The following RPTOR variants were observed in gnomAD, a reference collection of about 807,000 sequenced individuals.
RPTOR encodes regulatory-associated protein of mTOR.
In RPTOR, 21 loss-of-function variants were observed where a neutral mutation model predicts 169.9. That is an observed-to-expected ratio of 0.12 (90% CI 0.09 to 0.18). The LOEUF (loss-of-function observed/expected upper bound fraction) is 0.18, where lower values mean the gene tolerates loss of function less well. Among genes scored for constraint, RPTOR ranks in the 10% least tolerant of loss-of-function variants. The pLI, the probability that RPTOR is intolerant of heterozygous loss-of-function variation, is 1.00. For synonymous variants in RPTOR, 732 were observed against 753.2 expected, an observed-to-expected ratio of 0.97 and a Z score of 0.46; for missense variants, 1,133 against 1,855.9, an observed-to-expected ratio of 0.61 and a Z score of 7.16.
chr17:80,958,117 G>A (rs925194165), intron 29 of RPTOR, among the ~76,000 whole-genome samples: 1 of 148,772 alleles, frequency 6.7e-6, no homozygotes, highest in Non-Finnish European at 1.5e-5. Flanking sequence ...GTCACCCTGC[G>A]TCACCCAGGC....
intron 25 of RPTOR, among the ~76,000 whole-genome samples, chr17:80,942,231 C>A (rs1028954709): frequency 5.3e-5 from 8 of 151,560 alleles, no homozygotes; most frequent in Admixed American, 3.9e-4. Flanking sequence ...GGCCAGCACA[C>A]GGGGGCTGCC....
intron 13 of RPTOR, among the ~76,000 whole-genome samples, chr17:80,879,481 G>A (rs1487458293): frequency 6.7e-6 from 1 of 148,368 alleles, no homozygotes; most frequent in Non-Finnish European, 1.5e-5. Flanking sequence ...CCTAGCAGCA[G>A]GAGTCTTTTC....
chr17:80,659,548 G>A lies in RPTOR; in HGVS notation c.348+15738G>A, dbSNP rs570218121. Among the ~76,000 whole-genome samples, 45 of 151,720 alleles carry A rather than the reference G, an allele frequency of 3.0e-4. No homozygotes were observed. The highest frequency in any genetic ancestry group is 9.8e-4 in the Admixed American group (15 of 15,240). ...TTTTCAGTTGGAGTTTCTCTCTGTC[G>A]CCAGGCTGGATACAGTGGCACGATC... On this transcript the variant is annotated intron_variant, in intron 3 of 33. Coordinates refer to ENST00000306801, the MANE Select transcript of RPTOR (RefSeq NM_020761.3). This position sits in a 1 kb window ranked among gnomAD's most constrained non-coding sequence, Gnocchi z 4.3.
chr17:80,764,312 C>G (rs1264387649), intron 6 of RPTOR, among the ~76,000 whole-genome samples: 4 of 114,290 alleles, frequency 3.5e-5, no homozygotes, highest in Non-Finnish European at 5.2e-5. Flanking sequence ...TCCCTCCCCC[C>G]TCCCCCCACC....
At chr17:80,930,334 C>T (rs1402288767) in intron 24 of RPTOR, among the ~76,000 whole-genome samples, 1 of 137,784 alleles carries the variant, frequency 7.3e-6, no homozygotes, top group African/African-American at 2.6e-5. Context: ...AGCTCATCCT[C>T]AGCTCATCCT....
intron 1 of RPTOR, among the ~76,000 whole-genome samples, chr17:80,553,682 A>G (rs1188104186): frequency 2.0e-5 from 3 of 152,174 alleles, no homozygotes; most frequent in Admixed American, 2.0e-4. Flanking sequence ...GATCCGTTCA[A>G]TGTTAGACCA....
At position 80,714,330 on chromosome 17, in the gene RPTOR, C is replaced by T. The variant is rs555436770; in HGVS notation, c.507+6331C>T. Among the ~76,000 whole-genome samples the T allele has an allele frequency of 2.0e-4, 31 of 152,274 alleles. No homozygotes were observed. The East Asian group carries it at 6.0e-3, about 29-fold the overall frequency. On this transcript the variant is annotated intron_variant, in intron 4 of 33. Coordinates refer to ENST00000306801, the MANE Select transcript of RPTOR (RefSeq NM_020761.3). ...AAAAGCCAGTATTAATGTAAAAGAC[C>T]TAGCAATATTATCAATCACCCCGAC...
At chr17:80,551,104 G>A (rs2063949897) in intron 1 of RPTOR, among the ~76,000 whole-genome samples, 1 of 152,068 alleles carries the variant, frequency 6.6e-6, no homozygotes, top group African/African-American at 2.4e-5. Context: ...GGCCAGGCTG[G>A]TCTTGAACTC....
rs55661620 is a variant in RPTOR at position 80,665,393 on chromosome 17, C to G, written c.348+21583C>G. 6.3e-4 allele frequency among the ~76,000 whole-genome samples: 4 copies of G among 6,308 alleles called. No individual in the cohort carries two copies. In the South Asian group the frequency reaches 0.017, roughly 27 times the overall value. The allele number at this position is 6,308 out of a possible 152,430, so 4.1% of individuals were successfully genotyped here. On this transcript the variant is annotated intron_variant, in intron 3 of 33. Coordinates refer to ENST00000306801, the MANE Select transcript of RPTOR (RefSeq NM_020761.3). ...CTTTCCTTTCCTTTCCTTTCCTTTC[C>G]TTTCCTTTCCTTTCCTTTCCTTTCC...
chr17:80,668,318 C>G (rs2065796283), intron 3 of RPTOR, among the ~76,000 whole-genome samples: 1 of 152,156 alleles, frequency 6.6e-6, no homozygotes, highest in Non-Finnish European at 1.5e-5. Flanking sequence ...TTATAAAGTA[C>G]AGAGTGAGAT....
intron 5 of RPTOR, among the ~76,000 whole-genome samples, chr17:80,738,628 C>G (rs547457596): frequency 6.6e-6 from 1 of 152,316 alleles, no homozygotes; most frequent in South Asian, 2.1e-4. Flanking sequence ...TGACCACATA[C>G]GGCAATCTCC....
Position 80,823,368 on chromosome 17 carries a change from GGGC to G in RPTOR, c.1136+146_1136+148del. ...GCATTAACAAGTGAAGCTAAATGCA[GGGC>G]TCCCAGAGATCTCCACACAGAGGAG... On this transcript the variant is annotated intron_variant, in intron 9 of 33. Transcript: ENST00000306801. The surrounding 1 kb of genome is among the most constrained non-coding windows in gnomAD (Gnocchi z 4.5). The G allele has an allele frequency of 1.0e-6, 1 of 1,001,618 alleles. No individual in the cohort carries two copies. The highest frequency in any genetic ancestry group is 1.8e-5 in the South Asian group (1 of 56,018). The allele number at this position is 1,001,618 out of a possible 1,614,324, so 62.0% of individuals were successfully genotyped here. A position where few individuals can be genotyped will look rare whatever the true frequency, so the allele number is the denominator to read the frequency against.
At chr17:80,795,785 C>T (rs1456199954) in intron 7 of RPTOR, among the ~76,000 whole-genome samples, 1 of 152,120 alleles carries the variant, frequency 6.6e-6, no homozygotes, top group African/African-American at 2.4e-5. Context: ...AGAATGGACA[C>T]CACTCGGCTC....
chr17:80,592,043 T>C (rs374610333), intron 1 of RPTOR, among the ~76,000 whole-genome samples: 8 of 152,232 alleles, frequency 5.3e-5, no homozygotes, highest in African/African-American at 1.9e-4. Flanking sequence ...CTTTCTTTCT[T>C]CTCTTACATT....
At chr17:80,906,388 A>G (rs1011805734) in intron 20 of RPTOR, among the ~76,000 whole-genome samples, 6 of 152,164 alleles carry the variant, frequency 3.9e-5, no homozygotes, top group African/African-American at 9.7e-5. Flanking sequence ...GAGCTGTGCA[A>G]TCTGAGAGCT....
chr17:80,634,488 CATACT>C (rs2065477849), intron 2 of RPTOR, among the ~76,000 whole-genome samples: 6 of 82,092 alleles, frequency 7.3e-5, no homozygotes, highest in Non-Finnish European at 1.1e-4. Flanking sequence ...ACTGTGTGTG[CATACT>C]GTGTGTGTGC....
intron 21 of RPTOR, among the ~76,000 whole-genome samples, chr17:80,910,423 T>G (rs1269863774): frequency 1.3e-5 from 2 of 152,208 alleles, no homozygotes; most frequent in African/African-American, 4.8e-5. Context: ...ACTTAAAAAT[T>G]TTTTGGTAAC....
rs1304060472 is a variant in RPTOR at position 80,707,971 on chromosome 17, T to A, written c.479T>A (p.Val160Asp). Residue 160 changes from valine (V) to aspartate (D), a missense_variant, in exon 4 of 34, where the codon GTC (valine) becomes GAC (aspartate). This residue lies in a region of RPTOR where 74 missense variants were observed against 168.3 expected (regional missense o/e 0.44). Transcript: ENST00000306801. This position sits in a 1 kb window ranked among gnomAD's most constrained non-coding sequence, Gnocchi z 5.0. ...GGCCACGGGGTGCCCCGGCCCACAG[T>A]CAACGGGGAGGTCTGGGTCTTCAAC... is the stretch of plus-strand genomic sequence containing the variant. ...YNGHGVPRPT[V>D]NGEVWVFNKN... 1 of 1,613,538 alleles carries A rather than the reference T, an allele frequency of 6.2e-7. No individual in the cohort carries two copies. Among genetic ancestry groups the A allele is most frequent in the Non-Finnish European group, 8.5e-7 (1 of 1,179,972 alleles).
intron 3 of RPTOR, among the ~76,000 whole-genome samples, chr17:80,677,453 CTT>C (rs2065868829): frequency 6.6e-6 from 1 of 152,144 alleles, no homozygotes; most frequent in African/African-American, 2.4e-5. Flanking sequence ...AGTCTAAACT[CTT>C]TACCTGGGAG....
Sources: allele counts gnomAD v4.1 joint callset (sites outside exome capture counted in the v4.1 genomes callset), GRCh38; gene constraint gnomAD v4.1.1; regional missense constraint gnomAD v4.1.1; non-coding constraint Gnocchi (gnomAD v3.1); transcripts MANE v1.5; gene names NCBI Gene and HGNC (gene_info 2026-07-23, HGNC 2026-07-21).